The following XKR6 variants were observed in gnomAD, a reference collection of about 807,000 sequenced individuals.
XKR6 encodes the protein XK related 6.
In XKR6, 22 loss-of-function variants were observed where a neutral mutation model predicts 56.7. The ratio of observed to expected loss-of-function variants is 0.39; its 90% CI spans 0.28 to 0.55. The LOEUF is 0.55. XKR6 is among the 20% of genes least tolerant of loss of function. The pLI, the probability that XKR6 is intolerant of heterozygous loss-of-function variation, is 0.66. For synonymous variants in XKR6, 524 were observed against 387.8 expected, an observed-to-expected ratio of 1.35 and a Z score of -4.13; for missense variants, 852 against 889.0, an observed-to-expected ratio of 0.96 and a Z score of 0.53.
intron 1 of XKR6, among the ~76,000 whole-genome samples, chr8:11,015,456 C>G (rs1264903150): frequency 2.0e-5 from 3 of 152,114 alleles, no homozygotes; most frequent in African/African-American, 7.2e-5. Flanking sequence ...GCCCGGAACT[C>G]CCACATCTGC....
At chr8:10,918,887 C>A (rs957655555) in intron 2 of XKR6, among the ~76,000 whole-genome samples, 11 of 152,304 alleles carry the variant, frequency 7.2e-5, no homozygotes, top group African/African-American at 2.4e-4. Context: ...TTGCATCCTT[C>A]CCCAAAGACT....
Position 10,934,717 on chromosome 8 carries a change from A to G in XKR6, c.765-9887T>C, listed in dbSNP as rs1269896809. Among the ~76,000 whole-genome samples the G allele has an allele frequency of 5.2e-4, 68 of 131,752 alleles. 1 individual carries two copies. Among genetic ancestry groups the G allele is most frequent in the Non-Finnish European group, 5.3e-4 (32 of 60,312 alleles). The allele number at this position is 131,752 out of a possible 152,430, so 86.4% of individuals were successfully genotyped here. A position where few individuals can be genotyped will look rare whatever the true frequency, so the allele number is the denominator to read the frequency against. On this transcript the variant is annotated intron_variant, in intron 1 of 2. Transcript: ENST00000416569. Reference sequence around the variant, plus strand: ...GGATTACATTTATTGATTTGCGTATATTGAACCAGCCTTGCATCCCAGGGA... The same window carrying G: ...GGATTACATTTATTGATTTGCGTATGTTGAACCAGCCTTGCATCCCAGGGA...
chr8:11,093,882 C>T (rs1042310717), intron 1 of XKR6, among the ~76,000 whole-genome samples: 4 of 149,742 alleles, frequency 2.7e-5, no homozygotes, highest in Admixed American at 6.6e-5. Flanking sequence ...CTCCCGGGTT[C>T]ACGCCATTCT....
chr8:10,990,996 G>A (rs1407836926), intron 1 of XKR6, among the ~76,000 whole-genome samples: 12 of 136,146 alleles, frequency 8.8e-5, no homozygotes, highest in East Asian at 4.6e-4. Flanking sequence ...TCCACCTCCC[G>A]GAGTTCAAGC....
intron 1 of XKR6, among the ~76,000 whole-genome samples, chr8:11,071,620 G>GGCCCCGAGTCCATGA (rs1344295842): frequency 1.2e-5 from 1 of 80,034 alleles, no homozygotes; most frequent in Admixed American, 1.4e-4. Context: ...CGAGTCCATG[G>GGCCCCGAGTCCATGA]GCCCCGAGTC....
intron 1 of XKR6, among the ~76,000 whole-genome samples, chr8:10,943,681 G>T (rs926473859): frequency 1.3e-5 from 2 of 152,182 alleles, no homozygotes; most frequent in Non-Finnish European, 2.9e-5. Flanking sequence ...CCTCCAGAAA[G>T]CCTTACGATC....
intron 1 of XKR6, among the ~76,000 whole-genome samples, chr8:11,056,811 T>C (rs1309247539): frequency 6.6e-6 from 1 of 152,234 alleles, no homozygotes; most frequent in African/African-American, 2.4e-5. Flanking sequence ...TCTGCCTTCC[T>C]GCTCCTCCCG....
chr8:11,071,880 T>C (rs1365771665), intron 1 of XKR6, among the ~76,000 whole-genome samples: 2 of 152,218 alleles, frequency 1.3e-5, no homozygotes, highest in African/African-American at 2.4e-5. Flanking sequence ...CACTCTTCCT[T>C]TCCTAATACT....
At chr8:11,098,796 T>A (rs1376929760) in intron 1 of XKR6, among the ~76,000 whole-genome samples, 1 of 152,214 alleles carries the variant, frequency 6.6e-6, no homozygotes, top group East Asian at 1.9e-4. Context: ...AGCTTTACTT[T>A]CTTTTGAATC....
intron 1 of XKR6, among the ~76,000 whole-genome samples, chr8:10,931,835 C>CA (rs71538099): frequency 1.2e-5 from 1 of 84,664 alleles, no homozygotes; most frequent in Admixed American, 9.5e-5. Context: ...ATAAAAAAAA[C>CA]AAAAAAGATA....
intron 1 of XKR6, among the ~76,000 whole-genome samples, chr8:11,168,508 G>A (rs1163676568): frequency 6.6e-6 from 1 of 152,006 alleles, no homozygotes; most frequent in Non-Finnish European, 1.5e-5. Flanking sequence ...GATAAATAGG[G>A]AAACAGAGAA....
intron 1 of XKR6, among the ~76,000 whole-genome samples, chr8:11,135,825 G>A (rs1800360317): frequency 6.8e-6 from 1 of 146,200 alleles, no homozygotes; most frequent in African/African-American, 2.6e-5. Flanking sequence ...AAGAATAAAA[G>A]GAAGGAAGGA....
At chr8:10,945,573 A>C (rs948677667) in intron 1 of XKR6, among the ~76,000 whole-genome samples, 1 of 152,186 alleles carries the variant, frequency 6.6e-6, no homozygotes, top group Admixed American at 6.5e-5. Flanking sequence ...TCCCCATCTA[A>C]GCTCCCAGAA....
Position 10,922,407 on chromosome 8 carries a change from C to T in XKR6, c.961+2227G>A, listed in dbSNP as rs563095794. Among the ~76,000 whole-genome samples the T allele has an allele frequency of 1.4e-4, 22 of 152,304 alleles. No individual in the cohort carries two copies. In the East Asian group the frequency reaches 1.7e-3, roughly 12 times the overall value. On this transcript the variant is annotated intron_variant, in intron 2 of 2. Transcript: ENST00000416569. ...GGGAACCGGACATTGCCCTGCCAGT[C>T]GGCAGCACATCCTGGCACCAGGAGC... is the stretch of plus-strand genomic sequence containing the variant.
intron 1 of XKR6, among the ~76,000 whole-genome samples, chr8:10,998,375 T>C (rs919959883): frequency 6.6e-6 from 1 of 152,198 alleles, no homozygotes; most frequent in Non-Finnish European, 1.5e-5. Flanking sequence ...CTGGTACTAG[T>C]GACCTGCAAG....
At chr8:10,941,416 C>G (rs764546286) in intron 1 of XKR6, among the ~76,000 whole-genome samples, 2 of 152,222 alleles carry the variant, frequency 1.3e-5, no homozygotes, top group African/African-American at 2.4e-5. Context: ...GATGGAGAAA[C>G]TGAGGCAAAG....
chr8:11,040,957 G>C (rs1342936330), intron 1 of XKR6, among the ~76,000 whole-genome samples: 2 of 152,122 alleles, frequency 1.3e-5, no homozygotes, highest in Non-Finnish European at 2.9e-5. Context: ...CGTACATCGG[G>C]CAGATACTGA....
intron 1 of XKR6, among the ~76,000 whole-genome samples, chr8:10,949,139 C>T (rs185163146): frequency 1.3e-5 from 2 of 152,340 alleles, no homozygotes; most frequent in Admixed American, 1.3e-4. Context: ...GAGCCTGGGC[C>T]CCGGGGCTGC....
chr8:10,960,434 C>T (rs370225014), intron 1 of XKR6, among the ~76,000 whole-genome samples: 1 of 152,146 alleles, frequency 6.6e-6, no homozygotes, highest in South Asian at 2.1e-4. Flanking sequence ...ACTCTGAAGG[C>T]CGGGGGAGGA....
Sources: allele counts gnomAD v4.1 joint callset (sites outside exome capture counted in the v4.1 genomes callset), GRCh38; gene constraint gnomAD v4.1.1; transcripts MANE v1.5; gene names NCBI Gene and HGNC (gene_info 2026-07-23, HGNC 2026-07-21).